ENTREP2: variants seen among roughly 807,000 people sequenced by gnomAD.
ENTREP2 encodes the protein endosomal transmembrane epsin interactor 2, also known as protein ENTREP2.
At chr15:29,301,699 C>T in the ENTREP2 span, among the ~76,000 whole-genome samples, 4 of 152,110 alleles carry the variant, frequency 2.6e-5, no homozygotes, top group Non-Finnish European at 1.5e-5. Context: ...ATGAGATTAA[C>T]ATATAGAAAC....
chr15:29,362,264 T>C, the ENTREP2 span, among the ~76,000 whole-genome samples: 1 of 152,162 alleles, frequency 6.6e-6, no homozygotes, highest in African/African-American at 2.4e-5. Context: ...CAGGGAAAAG[T>C]TGATTACAAT....
chr15:29,148,487 A>T, the ENTREP2 span, among the ~76,000 whole-genome samples: 2 of 152,238 alleles, frequency 1.3e-5, no homozygotes, highest in African/African-American at 4.8e-5. Context: ...ACCTACACAC[A>T]TCCTCCTGTA....
the ENTREP2 span, among the ~76,000 whole-genome samples, chr15:29,625,860 CTTT>C: frequency 6.6e-6 from 1 of 151,304 alleles, no homozygotes; most frequent in Admixed American, 6.6e-5. Flanking sequence ...TTTTTCTTTT[CTTT>C]TTTATTTTAT....
At chr15:29,123,070 CAG>C in the ENTREP2 span, 2 of 441,076 alleles carry the variant, frequency 4.5e-6, no homozygotes, top group Non-Finnish European at 8.1e-6. Context: ...CAGATAAAAC[CAG>C]AGAGTTCACT....
the ENTREP2 span, among the ~76,000 whole-genome samples, chr15:29,308,706 G>T: frequency 6.6e-6 from 1 of 152,184 alleles, no homozygotes; most frequent in South Asian, 2.1e-4. Flanking sequence ...TTAGAATGAC[G>T]TTGAAGATGT....
the ENTREP2 span, among the ~76,000 whole-genome samples, chr15:29,182,474 A>ATGAC: frequency 6.6e-6 from 1 of 152,184 alleles, no homozygotes; most frequent in African/African-American, 2.4e-5. Context: ...ACAAAATGAT[A>ATGAC]TGACACCTAG....
chr15:29,398,851 G>A, the ENTREP2 span, among the ~76,000 whole-genome samples: 1 of 152,200 alleles, frequency 6.6e-6, no homozygotes, highest in African/African-American at 2.4e-5. Flanking sequence ...CTTGGGCCGT[G>A]GGTGGGACTG....
At chr15:29,259,829 G>GA in the ENTREP2 span, among the ~76,000 whole-genome samples, 5 of 147,130 alleles carry the variant, frequency 3.4e-5, no homozygotes, top group South Asian at 1.0e-3. Flanking sequence ...TATATATGAA[G>GA]AAAAAAATGC....
At chr15:29,578,448 AGAATCAGGCACATAT>A in the ENTREP2 span, among the ~76,000 whole-genome samples, 5 of 152,214 alleles carry the variant, frequency 3.3e-5, no homozygotes, top group African/African-American at 1.2e-4. Flanking sequence ...ACACTGATGG[AGAATCAGGCACATAT>A]AGAATTTTGA....
At chr15:29,203,622 T>G in the ENTREP2 span, among the ~76,000 whole-genome samples, 1 of 152,216 alleles carries the variant, frequency 6.6e-6, no homozygotes, top group African/African-American at 2.4e-5. Context: ...TAAAATCTAC[T>G]CTTAAGCAAT....
chr15:29,348,075 T>C, the ENTREP2 span, among the ~76,000 whole-genome samples: 1 of 152,074 alleles, frequency 6.6e-6, no homozygotes, highest in Non-Finnish European at 1.5e-5. Context: ...TGAGGGGAAA[T>C]CTATAAGGAA....
At chr15:29,418,086 A>G in the ENTREP2 span, among the ~76,000 whole-genome samples, 3 of 152,198 alleles carry the variant, frequency 2.0e-5, no homozygotes, top group South Asian at 2.1e-4. Context: ...ACCCACTATC[A>G]TGGAGTCCAC....
the ENTREP2 span, among the ~76,000 whole-genome samples, chr15:29,630,854 T>C: frequency 6.6e-6 from 1 of 152,156 alleles, no homozygotes; most frequent in African/African-American, 2.4e-5. Flanking sequence ...CGCTAATTTT[T>C]GTATTTTTAG....
the ENTREP2 span, among the ~76,000 whole-genome samples, chr15:29,671,186 C>CA: frequency 6.6e-6 from 1 of 152,232 alleles, no homozygotes. Context: ...GACAGGGTGG[C>CA]ACACCCCGAC....
the ENTREP2 span, among the ~76,000 whole-genome samples, chr15:29,467,865 A>G: frequency 6.6e-6 from 1 of 152,108 alleles, no homozygotes; most frequent in Non-Finnish European, 1.5e-5. Flanking sequence ...TGGGGTACCC[A>G]CAACCCACTG....
At chr15:29,548,608 G>A in the ENTREP2 span, among the ~76,000 whole-genome samples, 1 of 152,004 alleles carries the variant, frequency 6.6e-6, no homozygotes, top group African/African-American at 2.4e-5. Flanking sequence ...ACAATCCAGA[G>A]AAGCCATAAC....
the ENTREP2 span, among the ~76,000 whole-genome samples, chr15:29,486,457 G>A: frequency 5.9e-5 from 9 of 152,138 alleles, no homozygotes; most frequent in East Asian, 3.9e-4. Flanking sequence ...TTGGGAGGCC[G>A]AGGTGGGCAG....
At chr15:29,333,516 G>T in the ENTREP2 span, among the ~76,000 whole-genome samples, 15 of 152,134 alleles carry the variant, frequency 9.9e-5, no homozygotes, top group Non-Finnish European at 2.2e-4. Context: ...GCCCTCCCGG[G>T]CACCCGGCTT....
chr15:29,206,626 G>C, the ENTREP2 span, among the ~76,000 whole-genome samples: 1 of 152,174 alleles, frequency 6.6e-6, no homozygotes, highest in African/African-American at 2.4e-5. Context: ...GCAGTTGTCT[G>C]GGACTCAGTC....
Sources: allele counts gnomAD v4.1 joint callset (sites outside exome capture counted in the v4.1 genomes callset), GRCh38; gene constraint gnomAD v4.1.1; transcripts MANE v1.5; gene names NCBI Gene and HGNC (gene_info 2026-07-23, HGNC 2026-07-21).